STXBP5L: variants seen among roughly 807,000 people sequenced by gnomAD.
STXBP5L encodes syntaxin-binding protein 5-like.
STXBP5L carries 65 observed loss-of-function variants against 144.5 expected under a neutral mutation model. The observed-to-expected ratio is 0.45, with a 90% CI of 0.37 to 0.55. The LOEUF is 0.55. Among genes scored for constraint, STXBP5L ranks in the 20% least tolerant of loss-of-function variants. The pLI is 0.00. For missense variants in STXBP5L, 1,298 were observed against 1,405.5 expected, an observed-to-expected ratio of 0.92 and a Z score of 1.22; for synonymous variants, 505 against 469.6, an observed-to-expected ratio of 1.08 and a Z score of -0.97.
chr3:121,057,679 T>C (rs1444114999), intron 5 of STXBP5L, among the ~76,000 whole-genome samples: 1 of 152,082 alleles, frequency 6.6e-6, no homozygotes, highest in Non-Finnish European at 1.5e-5. Flanking sequence ...TATTATGTAC[T>C]ATTCTATTTA....
At chr3:121,019,502 C>T (rs1945391319) in intron 3 of STXBP5L, among the ~76,000 whole-genome samples, 2 of 152,286 alleles carry the variant, frequency 1.3e-5, no homozygotes, top group South Asian at 4.1e-4. Context: ...AACCAAGGAC[C>T]TTCACAGAGT....
At chr3:121,071,888 C>CT (rs1228149124) in intron 5 of STXBP5L, among the ~76,000 whole-genome samples, 1 of 152,184 alleles carries the variant, frequency 6.6e-6, no homozygotes, top group African/African-American at 2.4e-5. Flanking sequence ...TACCCAGTTA[C>CT]TTTAGTAGGG....
intron 5 of STXBP5L, among the ~76,000 whole-genome samples, chr3:121,097,981 C>T (rs1236080304): frequency 6.6e-6 from 1 of 151,848 alleles, no homozygotes; most frequent in Non-Finnish European, 1.5e-5. Context: ...TCTATTTTAA[C>T]CATTGTTAAA....
At chr3:121,399,315 A>T (rs555495182) in intron 22 of STXBP5L, among the ~76,000 whole-genome samples, 2 of 151,986 alleles carry the variant, frequency 1.3e-5, no homozygotes. Flanking sequence ...TTCTCCAACC[A>T]TTGCTCCAGT....
chr3:121,189,524 A>G (rs1461745929), intron 9 of STXBP5L, among the ~76,000 whole-genome samples: 1 of 152,184 alleles, frequency 6.6e-6, no homozygotes, highest in Non-Finnish European at 1.5e-5. Context: ...CAAAGATCAG[A>G]TGGTTGTAGA....
chr3:121,249,950 A>G (rs339002), intron 14 of STXBP5L, among the ~76,000 whole-genome samples: 72,301 of 151,854 alleles, frequency 0.48, 17,756 homozygotes, highest in East Asian at 0.73. Context: ...TGAGATGACT[A>G]TATGGATTTT....
chr3:121,181,173 G>GGGAGA (rs2047136743), intron 9 of STXBP5L, among the ~76,000 whole-genome samples: 2 of 148,912 alleles, frequency 1.3e-5, no homozygotes, highest in South Asian at 2.1e-4. Flanking sequence ...GGGAGGGGAG[G>GGGAGA]GGAGAGGAGA....
chr3:121,347,755 T>G (rs977050603), intron 20 of STXBP5L, among the ~76,000 whole-genome samples: 12 of 152,078 alleles, frequency 7.9e-5, no homozygotes, highest in South Asian at 2.1e-4. Context: ...TTGGCTCTCT[T>G]TTTGTCTGTT....
At chr3:121,006,907 G>T (rs1464581685) in intron 3 of STXBP5L, among the ~76,000 whole-genome samples, 3 of 152,148 alleles carry the variant, frequency 2.0e-5, no homozygotes, top group African/African-American at 7.2e-5. Context: ...TAGAGTTTCT[G>T]CTGAGAGATC....
intron 20 of STXBP5L, among the ~76,000 whole-genome samples, chr3:121,327,821 C>A (rs185885930): frequency 7.0e-4 from 107 of 152,276 alleles, no homozygotes; most frequent in Admixed American, 3.3e-3. Context: ...TCTAACAAGT[C>A]CGTGGGCATA....
chr3:121,315,998 CTCAA>C (rs1559968329), intron 19 of STXBP5L, among the ~76,000 whole-genome samples: 9 of 41,530 alleles, frequency 2.2e-4, no homozygotes, highest in Non-Finnish European at 2.8e-4. Context: ...GAGACTCTGT[CTCAA>C]AAAAAAAAAA....
intron 22 of STXBP5L, among the ~76,000 whole-genome samples, chr3:121,398,126 C>G (rs1374456275): frequency 1.3e-5 from 2 of 152,222 alleles, no homozygotes; most frequent in African/African-American, 4.8e-5. Flanking sequence ...GTGCCATGTG[C>G]TCTCCTGGCT....
chr3:120,981,072 A>G (rs1941723057), intron 3 of STXBP5L, among the ~76,000 whole-genome samples: 1 of 152,116 alleles, frequency 6.6e-6, no homozygotes, highest in South Asian at 2.1e-4. Flanking sequence ...TGAGAAGTCC[A>G]CTGTCAGTCT....
At chr3:120,941,405 C>T (rs1305788895) in intron 2 of STXBP5L, among the ~76,000 whole-genome samples, 1 of 151,530 alleles carries the variant, frequency 6.6e-6, no homozygotes, top group Non-Finnish European at 1.5e-5. Flanking sequence ...GTTCTAACAT[C>T]CTAGCATTAT....
At chr3:121,268,354 A>G (rs2050638848) in intron 18 of STXBP5L, among the ~76,000 whole-genome samples, 1 of 152,144 alleles carries the variant, frequency 6.6e-6, no homozygotes, top group Non-Finnish European at 1.5e-5. Context: ...GAGCTGAGCA[A>G]TGAGAACACA....
intron 23 of STXBP5L, among the ~76,000 whole-genome samples, chr3:121,408,196 GTCAAGAGATTTCAT>G (rs2047037881): frequency 6.6e-6 from 1 of 151,850 alleles, no homozygotes; most frequent in South Asian, 2.1e-4. Flanking sequence ...TAAAATATTG[GTCAAGAGATTTCAT>G]TCTACTGTTA....
chr3:121,349,430 T>G (rs1048572585), intron 20 of STXBP5L, among the ~76,000 whole-genome samples: 9 of 151,268 alleles, frequency 5.9e-5, no homozygotes, highest in African/African-American at 2.2e-4. Flanking sequence ...AGAATGTATA[T>G]TCTGTTGATT....
intron 9 of STXBP5L, among the ~76,000 whole-genome samples, chr3:121,167,906 G>A (rs1467198898): frequency 1.3e-5 from 2 of 152,142 alleles, no homozygotes; most frequent in African/African-American, 2.4e-5. Context: ...CCCAGCAGGG[G>A]CCAACAGACA....
chr3:121,237,328 G>A (rs2049514105), intron 12 of STXBP5L, among the ~76,000 whole-genome samples: 1 of 152,180 alleles, frequency 6.6e-6, no homozygotes, highest in African/African-American at 2.4e-5. Flanking sequence ...GCAGTAGCTG[G>A]GTCCATTTGA....
Sources: gnomAD v4.1 joint callset for allele counts (sites outside exome capture counted in the v4.1 genomes callset) on GRCh38, gnomAD v4.1.1 for gene constraint, MANE v1.5 for transcripts, NCBI Gene and HGNC (gene_info 2026-07-23, HGNC 2026-07-21) for gene names.